ADK: variants seen among roughly 807,000 people sequenced by gnomAD.
ADK encodes adenosine kinase.
In ADK, 24 loss-of-function variants were observed where a neutral mutation model predicts 44.7. The observed-to-expected ratio is 0.54, with a 90% CI of 0.39 to 0.76. The LOEUF (loss-of-function observed/expected upper bound fraction) is 0.76, where lower values mean the gene tolerates loss of function less well. ADK is among the 30% of genes least tolerant of loss of function. ADK has a pLI of 0.00. For missense variants in ADK, 321 were observed against 425.1 expected, an observed-to-expected ratio of 0.76 and a Z score of 2.15; for synonymous variants, 128 against 142.6, an observed-to-expected ratio of 0.90 and a Z score of 0.73.
chr10:74,319,907 C>T (rs192196453), intron 4 of ADK, among the ~76,000 whole-genome samples: 172 of 152,214 alleles, frequency 1.1e-3, no homozygotes, highest in African/African-American at 3.9e-3. Flanking sequence ...TCATTGATTA[C>T]GTCTTTATAT....
chr10:74,531,788 C>T (rs1307012205), intron 7 of ADK, among the ~76,000 whole-genome samples: 1 of 152,150 alleles, frequency 6.6e-6, no homozygotes, highest in Non-Finnish European at 1.5e-5. Context: ...CTACCTCAGC[C>T]TCCCAAAGTG....
At chr10:74,369,045 A>G (rs1842580503) in intron 4 of ADK, among the ~76,000 whole-genome samples, 1 of 152,196 alleles carries the variant, frequency 6.6e-6, no homozygotes, top group Admixed American at 6.5e-5. Flanking sequence ...TTAAGAGTCT[A>G]CTAATTCACT....
chr10:74,564,531 GACTA>G (rs1442030208), intron 7 of ADK, among the ~76,000 whole-genome samples: 1 of 152,014 alleles, frequency 6.6e-6, no homozygotes, highest in Non-Finnish European at 1.5e-5. Flanking sequence ...AACCTTTCCT[GACTA>G]ACCCTGTTTC....
chr10:74,276,176 C>T (rs1846669205), intron 3 of ADK, among the ~76,000 whole-genome samples: 1 of 152,140 alleles, frequency 6.6e-6, no homozygotes, highest in Non-Finnish European at 1.5e-5. Context: ...ATAGCTTTCC[C>T]CTAAATCTGC....
chr10:74,574,050 T>G (rs1851079772), intron 7 of ADK, among the ~76,000 whole-genome samples: 1 of 152,222 alleles, frequency 6.6e-6, no homozygotes, highest in South Asian at 2.1e-4. Flanking sequence ...CCTAGTGAGA[T>G]GAACCCGGTA....
intron 3 of ADK, among the ~76,000 whole-genome samples, chr10:74,303,588 G>GTGTTTTTT (rs1840139685): frequency 1.5e-5 from 1 of 68,576 alleles, no homozygotes; most frequent in Admixed American, 2.0e-4. Context: ...TTTTAATGTT[G>GTGTTTTTT]TTTTTTTTTT....
At chr10:74,250,160 A>G (rs972747158) in intron 3 of ADK, among the ~76,000 whole-genome samples, 8 of 152,218 alleles carry the variant, frequency 5.3e-5, no homozygotes, top group Admixed American at 3.9e-4. Context: ...GGAGTTATAG[A>G]CAGGCAGTAA....
intron 6 of ADK, among the ~76,000 whole-genome samples, chr10:74,426,037 A>G (rs945525140): frequency 1.3e-5 from 2 of 152,082 alleles, no homozygotes; most frequent in African/African-American, 2.4e-5. Context: ...AAATAGAGAA[A>G]AGTACAGAGA....
chr10:74,533,098 A>C (rs1849348257), intron 7 of ADK, among the ~76,000 whole-genome samples: 1 of 152,170 alleles, frequency 6.6e-6, no homozygotes, highest in Non-Finnish European at 1.5e-5. Context: ...CTTTGGGATA[A>C]ACCAGACCAA....
chr10:74,170,693 G>A (rs550289094), intron 1 of ADK, among the ~76,000 whole-genome samples: 3 of 151,540 alleles, frequency 2.0e-5, no homozygotes, highest in Admixed American at 6.6e-5. Context: ...CCAGCTACTC[G>A]GGAGGCTGAG....
rs1435317867 is a variant in ADK at position 74,595,794 on chromosome 10, C to G, written c.763-4585C>G. Among the ~76,000 whole-genome samples, 36 of 140,530 alleles carry G rather than the reference C, an allele frequency of 2.6e-4. 1 individual carries two copies. Among genetic ancestry groups the G allele is most frequent in the African/African-American group, 9.5e-4 (36 of 37,896 alleles). The allele number at this position is 140,530 out of a possible 152,430, so 92.2% of individuals were successfully genotyped here. ...GGTGGATCACCTGAGGTCAGGAGTT[C>G]GAGACCAGCCTGGCCAACATGGTGA... On this transcript the variant is annotated intron_variant, in intron 8 of 10. Coordinates refer to ENST00000539909, the MANE Select transcript of ADK (RefSeq NM_006721.4).
At chr10:74,218,504 G>C (rs930811541) in intron 2 of ADK, among the ~76,000 whole-genome samples, 2 of 152,078 alleles carry the variant, frequency 1.3e-5, no homozygotes, top group Non-Finnish European at 2.9e-5. Flanking sequence ...TTCAGATTCA[G>C]GAAATACAGA....
intron 3 of ADK, among the ~76,000 whole-genome samples, chr10:74,228,348 A>T (rs527689607): frequency 6.6e-6 from 1 of 152,320 alleles, no homozygotes; most frequent in South Asian, 2.1e-4. Context: ...TCAAGTTGTG[A>T]TGTGATTTAT....
At chr10:74,363,414 G>A (rs917383275) in intron 4 of ADK, among the ~76,000 whole-genome samples, 8 of 152,146 alleles carry the variant, frequency 5.3e-5, no homozygotes, top group African/African-American at 1.9e-4. Context: ...AGCTGAAACT[G>A]CACCACCCTG....
chr10:74,189,062 CATT>C (rs146971688), intron 1 of ADK, among the ~76,000 whole-genome samples: 18,036 of 152,070 alleles, frequency 0.12, 1,093 homozygotes, highest in Middle Eastern at 0.2. Flanking sequence ...ACATTTCTTT[CATT>C]ATTATTATTT....
intron 8 of ADK, among the ~76,000 whole-genome samples, chr10:74,594,274 C>T (rs571810577): frequency 2.0e-5 from 3 of 151,718 alleles, no homozygotes; most frequent in African/African-American, 4.8e-5. Flanking sequence ...CCATGGCACG[C>T]GTATACCTCT....
chr10:74,303,588 G>GTT lies in ADK; in HGVS notation c.195-11054_195-11053dup, dbSNP rs1185036462. Among the ~76,000 whole-genome samples the GTT allele has an allele frequency of 7.6e-4, 52 of 68,568 alleles. 3 individuals carry two copies. The highest frequency in any genetic ancestry group is 0.012 in the Middle Eastern group (1 of 84). 45.0% of individuals were successfully genotyped at this position (68,568 alleles called of 152,430 possible). ...CACTTTTCATATTGGTTTTAATGTT[G>GTT]TTTTTTTTTTTTTTTTTTTTTTTTT... On this transcript the variant is annotated intron_variant, in intron 3 of 10. Transcript: ENST00000539909.
chr10:74,157,248 T>C (rs952704757), intron 1 of ADK, among the ~76,000 whole-genome samples: 1 of 152,138 alleles, frequency 6.6e-6, no homozygotes, highest in Non-Finnish European at 1.5e-5. Flanking sequence ...AGAGGGAATG[T>C]CTGAGCCTAT....
At chr10:74,245,774 A>G (rs1240426151) in intron 3 of ADK, among the ~76,000 whole-genome samples, 1 of 152,076 alleles carries the variant, frequency 6.6e-6, no homozygotes, top group Non-Finnish European at 1.5e-5. Context: ...TAATTTTAGT[A>G]GAGATGGGGT....
Sources: allele counts gnomAD v4.1 joint callset (sites outside exome capture counted in the v4.1 genomes callset), GRCh38; gene constraint gnomAD v4.1.1; transcripts MANE v1.5; gene names NCBI Gene and HGNC (gene_info 2026-07-23, HGNC 2026-07-21).